DIP2B: variants seen among roughly 807,000 people sequenced by gnomAD.
DIP2B encodes disco-interacting protein 2 homolog B.
Under a neutral mutation model 198.0 loss-of-function variants are expected in DIP2B, and 76 were observed. That is an observed-to-expected ratio of 0.38 (90% CI 0.32 to 0.46). The LOEUF (loss-of-function observed/expected upper bound fraction) is 0.46, where lower values mean the gene tolerates loss of function less well. Ranked by LOEUF, DIP2B falls within the 20% of genes least tolerant of loss-of-function variation. DIP2B has a pLI of 0.99. For synonymous variants in DIP2B, 701 were observed against 739.1 expected, an observed-to-expected ratio of 0.95 and a Z score of 0.84; for missense variants, 1,559 against 1,978.4, an observed-to-expected ratio of 0.79 and a Z score of 4.02.
intron 2 of DIP2B, among the ~76,000 whole-genome samples, chr12:50,626,557 T>G (rs1296844149): frequency 6.6e-6 from 1 of 152,224 alleles, no homozygotes; most frequent in Admixed American, 6.5e-5. Context: ...AATTTCATGC[T>G]TAATGCCAAA....
chr12:50,716,958 C>CTTTTTTTTATTTTTTTTTTTTTTT (rs1939732378), intron 23 of DIP2B, among the ~76,000 whole-genome samples: 1 of 58,924 alleles, frequency 1.7e-5, no homozygotes, highest in Non-Finnish European at 3.0e-5. Context: ...CGAATTGTTG[C>CTTTTTTTTATTTTTTTTTTTTTTT]TTTTTTTTTT....
At chr12:50,609,300 T>A (rs1390601854) in intron 1 of DIP2B, among the ~76,000 whole-genome samples, 1 of 152,260 alleles carries the variant, frequency 6.6e-6, no homozygotes, top group Non-Finnish European at 1.5e-5. Context: ...GCCACTTGAC[T>A]GAAAATTGTC....
At chr12:50,659,092 A>T (rs1381291804) in intron 3 of DIP2B, among the ~76,000 whole-genome samples, 1 of 152,206 alleles carries the variant, frequency 6.6e-6, no homozygotes, top group Admixed American at 6.5e-5. Flanking sequence ...ATCTCAAAAA[A>T]AACAGGTCAA....
chr12:50,537,203 C>CTTG (rs1593589310), intron 1 of DIP2B, among the ~76,000 whole-genome samples: 1 of 135,932 alleles, frequency 7.4e-6, no homozygotes, highest in East Asian at 2.5e-4. Flanking sequence ...TCAAGCGATC[C>CTTG]ACCTGCCTTG....
chr12:50,542,262 A>G (rs1025360725), intron 1 of DIP2B, among the ~76,000 whole-genome samples: 9 of 149,622 alleles, frequency 6.0e-5, no homozygotes, highest in African/African-American at 2.0e-4. Context: ...AAAAAAAAAA[A>G]AAAGAAAAAA....
rs555313712 is a variant in DIP2B at position 50,612,205 on chromosome 12, C to T, written c.101-13771C>T. Among the ~76,000 whole-genome samples, 3 of 152,144 alleles carry T rather than the reference C, an allele frequency of 2.0e-5. No individual in the cohort carries two copies. In the South Asian group the frequency reaches 6.2e-4, roughly 32 times the overall value. ...AAGGCTGCAGTGAGCTGTGATTGCA[C>T]GACTGCACTCCAGCCTGGGCCACAG... On this transcript the variant is annotated intron_variant, in intron 1 of 37. Transcript: ENST00000301180.
intron 1 of DIP2B, among the ~76,000 whole-genome samples, chr12:50,517,875 A>G (rs151310323): frequency 2.0e-5 from 3 of 152,182 alleles, no homozygotes; most frequent in Non-Finnish European, 4.4e-5. Flanking sequence ...GTGAGTTTCC[A>G]GTTAACTTCT....
chr12:50,588,125 G>A (rs1304234714), intron 1 of DIP2B, among the ~76,000 whole-genome samples: 1 of 148,806 alleles, frequency 6.7e-6, no homozygotes, highest in Non-Finnish European at 1.5e-5. Context: ...TGATTTGTTG[G>A]TACTTCTTTT....
intron 1 of DIP2B, among the ~76,000 whole-genome samples, chr12:50,616,946 CTTTA>C (rs756634013): frequency 9.9e-5 from 15 of 152,068 alleles, no homozygotes; most frequent in Non-Finnish European, 2.2e-4. Context: ...ATCTCTTTCT[CTTTA>C]TTTGTCTACT....
chr12:50,674,745 C>A, intron 6 of DIP2B, 116 bp downstream of exon 6: 1 of 1,262,300 alleles, frequency 7.9e-7, no homozygotes, highest in East Asian at 2.5e-5. Flanking sequence ...GTAGTTGGCC[C>A]ACTAATAACT....
chr12:50,657,557 T>A (rs534449924), intron 3 of DIP2B, among the ~76,000 whole-genome samples: 2 of 151,748 alleles, frequency 1.3e-5, no homozygotes, highest in South Asian at 4.2e-4. Context: ...TTTTGGGGGC[T>A]GAAGCAGGAG....
chr12:50,536,271 G>GCATGCATACATA lies in DIP2B; in HGVS notation c.100+31034_100+31035insGCATACATACAT, dbSNP rs1555182426. 6.8e-5 allele frequency among the ~76,000 whole-genome samples: 10 copies of GCATGCATACATA among 148,080 alleles called. No individual in the cohort carries two copies. In the East Asian group the frequency reaches 1.0e-3, roughly 15 times the overall value. On this transcript the variant is annotated intron_variant, in intron 1 of 37. Transcript: ENST00000301180. ...GAGACCTTATTTCTACTAAATACGTGCATACATACATACATACATACATAC... is the reference window on the plus strand; with the variant it reads ...GAGACCTTATTTCTACTAAATACGTGCATGCATACATACATACATACATACATACATACATAC...
At chr12:50,651,289 T>A (rs12580051) in intron 3 of DIP2B, among the ~76,000 whole-genome samples, 38,015 of 152,110 alleles carry the variant, frequency 0.25, 5,549 homozygotes, top group East Asian at 0.43. Context: ...TATCTTTTTA[T>A]TCTGTTGATT....
At chr12:50,713,773 A>G (rs535522142) in intron 22 of DIP2B, among the ~76,000 whole-genome samples, 18 of 140,914 alleles carry the variant, frequency 1.3e-4, no homozygotes, top group African/African-American at 4.7e-4. Flanking sequence ...TGACATTATC[A>G]CTTAAGAGAG....
chr12:50,618,120 TG>T lies in DIP2B; in HGVS notation c.101-7855del, dbSNP rs892829012. 2.4e-4 allele frequency among the ~76,000 whole-genome samples: 37 copies of T among 152,354 alleles called. 1 individual carries two copies. Among genetic ancestry groups the T allele is most frequent in the African/African-American group, 8.4e-4 (35 of 41,592 alleles). ...TGAAGGTAATGCTTTTTCCGTTTAT[TG>T]AAGAAGGTTTTCAGCCAAATCAAAT... On this transcript the variant is annotated intron_variant, in intron 1 of 37. Transcript: ENST00000301180.
chr12:50,732,449 C>G lies in DIP2B; in HGVS notation c.3894C>G (p.Phe1298Leu). ...CCCGCGTTGCACTCCAGCAGTCCTT[C>G]TCTAAGCTCTTCAAAGACATCGGGC... is the stretch of plus-strand genomic sequence containing the variant. ...ERPRVALQQS[F>L]SKLFKDIGLS... The change falls in exon 32 of 38, where the codon TTC (phenylalanine) becomes TTG (leucine). Residue 1298 changes from phenylalanine (F) to leucine (L), a missense_variant. By Grantham distance (22) the Phe-to-Leu change is conservative. Coordinates refer to ENST00000301180, the MANE Select transcript of DIP2B (RefSeq NM_173602.3). 1 of 1,614,226 alleles carries G rather than the reference C, an allele frequency of 6.2e-7. No homozygotes were observed. Among genetic ancestry groups the G allele is most frequent in the South Asian group, 1.1e-5 (1 of 91,090 alleles).
intron 1 of DIP2B, among the ~76,000 whole-genome samples, chr12:50,608,036 G>A (rs1249634775): frequency 2.0e-5 from 3 of 151,986 alleles, no homozygotes; most frequent in South Asian, 2.1e-4. Flanking sequence ...CTGGTGATTC[G>A]CCCATCTTGG....
At chr12:50,539,229 CTTTTTTCT>C (rs1340804528) in intron 1 of DIP2B, among the ~76,000 whole-genome samples, 1 of 111,840 alleles carries the variant, frequency 8.9e-6, no homozygotes, top group Non-Finnish European at 1.9e-5. Flanking sequence ...TCGCTCTTTT[CTTTTTTCT>C]TTTTTTTTTT....
intron 2 of DIP2B, 105 bp from the exon 3 acceptor site, chr12:50,640,619 G>A (rs930489433): frequency 1.6e-6 from 2 of 1,241,204 alleles, no homozygotes; most frequent in African/African-American, 3.0e-5. Flanking sequence ...CTGTAGATGG[G>A]GTAATAGTAC....
Sources: allele counts gnomAD v4.1 joint callset (sites outside exome capture counted in the v4.1 genomes callset), GRCh38; gene constraint gnomAD v4.1.1; transcripts MANE v1.5; gene names NCBI Gene and HGNC (gene_info 2026-07-23, HGNC 2026-07-21).